GATAD2A: variants seen among roughly 807,000 people sequenced by gnomAD.
The protein encoded by GATAD2A is GATA zinc finger domain containing 2A.
Under a neutral mutation model 68.5 loss-of-function variants are expected in GATAD2A, and 12 were observed. The observed-to-expected ratio is 0.18, with a 90% CI of 0.11 to 0.28. The LOEUF (loss-of-function observed/expected upper bound fraction) is 0.28. GATAD2A is among the 10% of genes least tolerant of loss of function. The pLI is 1.00. For missense variants in GATAD2A, 755 were observed against 868.5 expected, an observed-to-expected ratio of 0.87 and a Z score of 1.64; for synonymous variants, 410 against 375.3, an observed-to-expected ratio of 1.09 and a Z score of -1.07.
At chr19:19,465,673 G>T in intron 2 of GATAD2A, 59 bp downstream of exon 2, 16 of 1,533,864 alleles carry the variant, frequency 1.0e-5, no homozygotes, top group Non-Finnish European at 1.3e-5. Flanking sequence ...AGTGTGCCCA[G>T]GTTGGGGCTG....
chr19:19,494,394 T>C lies in GATAD2A; in HGVS notation c.624+11T>C, dbSNP rs760306592. 1.9e-6 allele frequency: 3 copies of C among 1,545,262 alleles called. No individual in the cohort carries two copies. On this transcript the variant is annotated intron_variant, in intron 5 of 11. Coordinates refer to ENST00000683918, the MANE Select transcript of GATAD2A (RefSeq NM_001384528.1). ...AAGCCATCACTCCAGGTCAGTGTCC[T>C]TTCTGCGTCTCACTGGGTGCCCTGC...
intron 1 of GATAD2A, among the ~76,000 whole-genome samples, chr19:19,449,085 A>C (rs1442606491): frequency 6.6e-6 from 1 of 152,108 alleles, no homozygotes; most frequent in Non-Finnish European, 1.5e-5. Flanking sequence ...CTGATTAAGA[A>C]CTATGCTTCT....
intron 1 of GATAD2A, among the ~76,000 whole-genome samples, chr19:19,457,584 A>G (rs577612311): frequency 1.6e-4 from 24 of 152,180 alleles, no homozygotes; most frequent in Non-Finnish European, 3.4e-4. Flanking sequence ...ACTAAAAAAT[A>G]CAAAAAATTA....
upstream of GATAD2A, among the ~76,000 whole-genome samples, chr19:19,401,307 G>A (rs182070206): frequency 7.1e-6 from 1 of 141,708 alleles, no homozygotes; most frequent in Admixed American, 7.5e-5. Flanking sequence ...TCCGCCTCCC[G>A]GGTTCACGCC....
chr19:19,478,338 C>T (rs960473345), intron 2 of GATAD2A, among the ~76,000 whole-genome samples: 4 of 152,158 alleles, frequency 2.6e-5, no homozygotes, highest in African/African-American at 9.7e-5. Context: ...CAGTGGCTTA[C>T]GCCTGTAATC....
At chr19:19,412,192 G>T (rs1335057719) in intron 1 of GATAD2A, among the ~76,000 whole-genome samples, 1 of 146,266 alleles carries the variant, frequency 6.8e-6, no homozygotes, top group Middle Eastern at 3.3e-3. Flanking sequence ...GTCTTGCTCT[G>T]TCAGCCAGGC....
At chr19:19,495,922 C>A in intron 6 of GATAD2A, 37 bp downstream of exon 6, 1 of 1,600,082 alleles carries the variant, frequency 6.2e-7, no homozygotes, top group Non-Finnish European at 8.5e-7. Context: ...GACCTGGCAG[C>A]CTCAGCAGTC....
In GATAD2A at chr19:19,482,771, G is replaced by A. The variant is rs1417908256; in HGVS notation, c.270-9535G>A. 2.0e-5 allele frequency among the ~76,000 whole-genome samples: 3 copies of A among 152,184 alleles called. No homozygotes were observed. In the East Asian group the frequency reaches 5.8e-4, roughly 29 times the overall value. On this transcript the variant is annotated intron_variant, in intron 2 of 11. Transcript: ENST00000683918. ...AAGTTAGCCTTTCATTTCTTCGATT[G>A]TAGTCATTTCTAATGCATGTGTCTT... is the stretch of plus-strand genomic sequence containing the variant.
At chr19:19,500,388 A>G (rs1202822765) in intron 8 of GATAD2A, among the ~76,000 whole-genome samples, 1 of 101,924 alleles carries the variant, frequency 9.8e-6, no homozygotes, top group Non-Finnish European at 2.0e-5. Flanking sequence ...CCCACCCCCC[A>G]GCCCCTGCAG....
chr19:19,454,728 G>GGCCT (rs1555707172), intron 1 of GATAD2A, among the ~76,000 whole-genome samples: 2 of 121,616 alleles, frequency 1.6e-5, no homozygotes, highest in African/African-American at 3.5e-5. Flanking sequence ...GAGCCACTGT[G>GGCCT]CCCCCCCCCA....
chr19:19,477,802 C>T (rs2058774220), intron 2 of GATAD2A, among the ~76,000 whole-genome samples: 1 of 152,140 alleles, frequency 6.6e-6, no homozygotes, highest in Non-Finnish European at 1.5e-5. Flanking sequence ...GATTCCTAGT[C>T]CCGGAGACCA....
In GATAD2A at chr19:19,415,098, C is replaced by G. The variant is rs77296448; in HGVS notation, c.-7+9079C>G. Among the ~76,000 whole-genome samples the G allele has an allele frequency of 2.3e-4, 30 of 130,776 alleles. No homozygotes were observed. The East Asian group carries it at 6.6e-3, about 29-fold the overall frequency. The allele number at this position is 130,776 out of a possible 152,430, so 85.8% of individuals were successfully genotyped here. On this transcript the variant is annotated intron_variant, in intron 1 of 11. Transcript: ENST00000683918. ...GAGACCTGCCCCCGCCCCCCTCCCC[C>G]CAAAAAAACCCCAAAAAACTGTAGT...
chr19:19,503,921 T>C (rs2060711161), intron 11 of GATAD2A, among the ~76,000 whole-genome samples: 1 of 152,182 alleles, frequency 6.6e-6, no homozygotes, highest in Non-Finnish European at 1.5e-5. Flanking sequence ...AAAAATACTC[T>C]TAGGGCCAGA....
At chr19:19,478,697 C>G (rs1352489077) in intron 2 of GATAD2A, among the ~76,000 whole-genome samples, 1 of 151,718 alleles carries the variant, frequency 6.6e-6, no homozygotes, top group Non-Finnish European at 1.5e-5. Context: ...GTAGTCCCAG[C>G]TATTCGGGAA....
At chr19:19,424,604 C>T (rs1232942598) in intron 1 of GATAD2A, among the ~76,000 whole-genome samples, 1 of 151,842 alleles carries the variant, frequency 6.6e-6, no homozygotes, top group Non-Finnish European at 1.5e-5. Context: ...AACTCCTGGC[C>T]TCAAGTGATC....
chr19:19,450,260 T>C (rs2056228611), intron 1 of GATAD2A, among the ~76,000 whole-genome samples: 1 of 152,216 alleles, frequency 6.6e-6, no homozygotes, highest in African/African-American at 2.4e-5. Flanking sequence ...CAAGGGACCC[T>C]GCCATTCAGC....
At chr19:19,410,761 C>T (rs1455881800) in intron 1 of GATAD2A, among the ~76,000 whole-genome samples, 1 of 152,210 alleles carries the variant, frequency 6.6e-6, no homozygotes, top group African/African-American at 2.4e-5. Flanking sequence ...GCATCCAGGA[C>T]AGCCCTGGCT....
At chr19:19,413,931 G>C (rs914419620) in intron 1 of GATAD2A, among the ~76,000 whole-genome samples, 7 of 152,040 alleles carry the variant, frequency 4.6e-5, no homozygotes, top group Admixed American at 4.6e-4. Context: ...ACTGACCTCG[G>C]TAGTTTGTAT....
chr19:19,505,525 C>T lies in GATAD2A; in HGVS notation c.*51C>T. 1 of 1,520,562 alleles carries T rather than the reference C, an allele frequency of 6.6e-7. No homozygotes were observed. The highest frequency in any genetic ancestry group is 1.2e-5 in the South Asian group (1 of 81,230). 94.2% of individuals were successfully genotyped at this position (1,520,562 alleles called of 1,614,324 possible). ...GGCTCCCTCCTCCCCCACCTGGCCCCTGGTCTAGAAGGACCCACTGCACCA... is the reference window on the plus strand; with the variant it reads ...GGCTCCCTCCTCCCCCACCTGGCCCTTGGTCTAGAAGGACCCACTGCACCA... On this transcript the variant is annotated 3_prime_UTR_variant, in exon 12 of 12. Coordinates refer to ENST00000683918, the MANE Select transcript of GATAD2A (RefSeq NM_001384528.1).
Sources: allele counts gnomAD v4.1 joint callset (sites outside exome capture counted in the v4.1 genomes callset), GRCh38; gene constraint gnomAD v4.1.1; transcripts MANE v1.5; gene names NCBI Gene and HGNC (gene_info 2026-07-23, HGNC 2026-07-21).